Variants in APBB2 observed in about 807,000 individuals in gnomAD.
APBB2 encodes amyloid beta precursor protein binding family B member 2.
Under a neutral mutation model 82.5 loss-of-function variants are expected in APBB2, and 38 were observed. That is an observed-to-expected ratio of 0.46 (90% CI 0.36 to 0.60). The LOEUF is 0.60. APBB2 is among the 20% of genes least tolerant of loss of function. The pLI, the probability that APBB2 is intolerant of heterozygous loss-of-function variation, is 0.00. For missense variants in APBB2, 772 were observed against 972.3 expected (o/e 0.79, Z 2.74); for synonymous variants, 341 against 368.2 (o/e 0.93, Z 0.85).
chr4:41,016,610 C>T (rs186192418), intron 5 of APBB2, among the ~76,000 whole-genome samples: 302 of 152,062 alleles, frequency 2.0e-3, no homozygotes, highest in African/African-American at 6.8e-3. Flanking sequence ...GAGATCGCCC[C>T]ATTGCACTCC....
chr4:40,969,536 T>C (rs746612347), intron 6 of APBB2, among the ~76,000 whole-genome samples: 15 of 152,346 alleles, frequency 9.8e-5, no homozygotes, highest in Non-Finnish European at 2.1e-4. Context: ...CCTAACGTGT[T>C]CAAAAATTAC....
At chr4:40,835,468 C>T (rs1261287214) in intron 12 of APBB2, among the ~76,000 whole-genome samples, 1 of 152,154 alleles carries the variant, frequency 6.6e-6, no homozygotes, top group Admixed American at 6.5e-5. Flanking sequence ...AAGAAGGCAG[C>T]AGACAGCTCA....
intron 12 of APBB2, among the ~76,000 whole-genome samples, chr4:40,882,809 G>A (rs930585085): frequency 4.6e-5 from 7 of 152,186 alleles, no homozygotes; most frequent in Non-Finnish European, 1.0e-4. Flanking sequence ...GAAACTTGAG[G>A]TGACTGGTTT....
chr4:41,119,109 A>G (rs911149427), intron 2 of APBB2, among the ~76,000 whole-genome samples: 5 of 151,474 alleles, frequency 3.3e-5, no homozygotes, highest in Non-Finnish European at 2.9e-5. Flanking sequence ...ACTGCACTCC[A>G]GCCTGGGTGA....
chr4:40,933,695 C>CG (rs1553868089), intron 10 of APBB2, among the ~76,000 whole-genome samples: 2 of 152,122 alleles, frequency 1.3e-5, no homozygotes, highest in South Asian at 4.1e-4. Context: ...CCTGAGATGC[C>CG]GGGGGGCCAG....
At chr4:41,121,750 C>CCTCCCTCA (rs1282783537) in intron 2 of APBB2, among the ~76,000 whole-genome samples, 2 of 152,204 alleles carry the variant, frequency 1.3e-5, no homozygotes, top group Non-Finnish European at 2.9e-5. Flanking sequence ...GAAACTGCTT[C>CCTCCCTCA]CTCCCTCACC....
At chr4:40,907,345 T>TATA (rs748703857) in intron 10 of APBB2, among the ~76,000 whole-genome samples, 6 of 104,966 alleles carry the variant, frequency 5.7e-5, no homozygotes, top group African/African-American at 1.6e-4. Flanking sequence ...ATTTAATATA[T>TATA]TACATATATA....
intron 10 of APBB2, among the ~76,000 whole-genome samples, chr4:40,896,884 G>A (rs963749501): frequency 6.6e-6 from 1 of 152,208 alleles, no homozygotes; most frequent in African/African-American, 2.4e-5. Flanking sequence ...AAGACCCACA[G>A]AAGCTGCCAC....
chr4:41,091,922 T>C (rs1284335855), intron 3 of APBB2, among the ~76,000 whole-genome samples: 1 of 152,222 alleles, frequency 6.6e-6, no homozygotes, highest in African/African-American at 2.4e-5. Context: ...CTATTTTTTC[T>C]TATCTATAAA....
chr4:41,157,693 C>A (rs1763825901), intron 1 of APBB2, among the ~76,000 whole-genome samples: 1 of 152,150 alleles, frequency 6.6e-6, no homozygotes, highest in Admixed American at 6.5e-5. Context: ...TGGCTCTTAG[C>A]TGAGAGCTAC....
At chr4:41,171,465 A>G (rs867941844) in intron 1 of APBB2, among the ~76,000 whole-genome samples, 4 of 152,220 alleles carry the variant, frequency 2.6e-5, no homozygotes, top group African/African-American at 9.7e-5. Context: ...TCAGAAGCCA[A>G]CTTTGAATCT....
chr4:41,088,842 A>C (rs1740761277), intron 3 of APBB2, among the ~76,000 whole-genome samples: 1 of 152,218 alleles, frequency 6.6e-6, no homozygotes, highest in Non-Finnish European at 1.5e-5. Flanking sequence ...ATGGGAAAGC[A>C]GAGTCCCCAA....
At chr4:40,972,633 G>A (rs34153157) in intron 6 of APBB2, among the ~76,000 whole-genome samples, 43,785 of 152,018 alleles carry the variant, frequency 0.29, 6,951 homozygotes, top group East Asian at 0.57. Flanking sequence ...ATTGAACTAG[G>A]TGTTAGAAGT....
At chr4:40,825,809 A>C in intron 15 of APBB2, 78 bp downstream of exon 15, 1 of 1,068,580 alleles carries the variant, frequency 9.4e-7, no homozygotes, top group African/African-American at 1.6e-5. Context: ...AGCAGACCTC[A>C]CCCTCCTCGG....
In APBB2 at chr4:41,163,504, T is replaced by TAG. The variant is rs1765706228; in HGVS notation, c.-416-20363_-416-20362insCT. ...AGTAAAAGATAATATAAGCTGATTTTCAGCTTTCAGAGAAAGAAGATTACT... is the reference window on the plus strand; with the variant it reads ...AGTAAAAGATAATATAAGCTGATTTTAGCAGCTTTCAGAGAAAGAAGATTACT... On this transcript the variant is annotated intron_variant, in intron 1 of 17. Transcript: ENST00000508593. 2.0e-5 allele frequency among the ~76,000 whole-genome samples: 3 copies of TAG among 152,308 alleles called. No individual in the cohort carries two copies. The South Asian group carries it at 6.2e-4, about 32-fold the overall frequency.
intron 5 of APBB2, among the ~76,000 whole-genome samples, chr4:41,020,502 T>G (rs1463308385): frequency 6.6e-6 from 1 of 152,180 alleles, no homozygotes; most frequent in East Asian, 1.9e-4. Context: ...AGCCAAACCT[T>G]AAAGTACTTA....
At chr4:40,859,287 A>AT (rs34512213) in intron 12 of APBB2, among the ~76,000 whole-genome samples, 3,953 of 141,922 alleles carry the variant, frequency 0.028, 155 homozygotes, top group African/African-American at 0.089. Context: ...GGCTGCTGTC[A>AT]TTTTTTTTTT....
intron 5 of APBB2, among the ~76,000 whole-genome samples, chr4:41,021,733 C>A (rs2154433851): frequency 6.6e-6 from 1 of 152,236 alleles, no homozygotes. Flanking sequence ...CGCTTGGGTC[C>A]CCTTCCACAC....
intron 5 of APBB2, among the ~76,000 whole-genome samples, chr4:41,031,686 G>A (rs1004968977): frequency 3.3e-5 from 5 of 152,116 alleles, no homozygotes; most frequent in African/African-American, 1.2e-4. Context: ...TTATACACTT[G>A]CCAGCTTTAT....
Sources: gnomAD v4.1 joint callset for allele counts (sites outside exome capture counted in the v4.1 genomes callset) on GRCh38, gnomAD v4.1.1 for gene constraint, MANE v1.5 for transcripts, NCBI Gene and HGNC (gene_info 2026-07-23, HGNC 2026-07-21) for gene names.